The following RPS6KA2 variants were observed in gnomAD, a reference collection of about 807,000 sequenced individuals.
RPS6KA2 encodes ribosomal protein S6 kinase alpha-2.
In RPS6KA2, 42 loss-of-function variants were observed where a neutral mutation model predicts 91.8. The observed-to-expected ratio is 0.46, with a 90% CI of 0.36 to 0.59. The LOEUF is 0.59. Among genes scored for constraint, RPS6KA2 ranks in the 20% least tolerant of loss-of-function variants. The pLI, the probability that RPS6KA2 is intolerant of heterozygous loss-of-function variation, is 0.00. For synonymous variants in RPS6KA2, 414 were observed against 393.6 expected, an observed-to-expected ratio of 1.05 and a Z score of -0.61; for missense variants, 798 against 978.5, an observed-to-expected ratio of 0.82 and a Z score of 2.46.
chr6:166,462,177 G>A (rs533679728), intron 11 of RPS6KA2, among the ~76,000 whole-genome samples: 93 of 152,266 alleles, frequency 6.1e-4, no homozygotes, highest in African/African-American at 2.2e-3. Context: ...AAAGTGCAAC[G>A]TCAACCAGCT....
intron 2 of RPS6KA2, among the ~76,000 whole-genome samples, chr6:166,739,853 C>T (rs903785181): frequency 1.3e-5 from 2 of 152,202 alleles, no homozygotes; most frequent in African/African-American, 4.8e-5. Context: ...GGAGGGCAGT[C>T]GGGACAAGCC....
intron 2 of RPS6KA2, chr6:166,702,489 C>T (rs1789555367): frequency 1.9e-6 from 3 of 1,579,722 alleles, no homozygotes; most frequent in Non-Finnish European, 2.6e-6. Flanking sequence ...CTGCAGTTTC[C>T]GAGTCAGTGT....
At position 166,423,366 on chromosome 6, in the gene RPS6KA2, C is replaced by T; in HGVS notation, c.1633G>A (p.Gly545Arg). The T allele has an allele frequency of 6.2e-7, 1 of 1,614,216 alleles. No individual in the cohort carries two copies. ...CAGACTCGGATGGATTCTGGGCTCC[C>T]CGACTCATCCCTGTACAGGATGTTA... ...PSNILYRDES[G>R]SPESIRVCDF... is the part of the protein sequence containing the mutation. Residue 545 changes from glycine to arginine, a missense_variant, in exon 17 of 21, where the codon GGG (glycine) becomes AGG (arginine). Transcript: ENST00000265678. This position sits in a 1 kb window ranked among gnomAD's most constrained non-coding sequence, Gnocchi z 4.8.
chr6:166,549,371 C>A (rs1398747984), intron 1 of RPS6KA2, among the ~76,000 whole-genome samples: 1 of 152,150 alleles, frequency 6.6e-6, no homozygotes, highest in Non-Finnish European at 1.5e-5. Flanking sequence ...TTCATAGCAG[C>A]TTTATTTGTG....
rs1779279588 is a variant in RPS6KA2, at chr6:166,435,816, C to T, written c.1333-3326G>A. ...GTACTTGAATGTGGGTGTCTGCAGG[C>T]TCAGCTCCCGTGGAGGGCTGGAAAG... On this transcript the variant is annotated intron_variant, in intron 14 of 20. Transcript: ENST00000265678. This position sits in a 1 kb window ranked among gnomAD's most constrained non-coding sequence, Gnocchi z 4.3. Among the ~76,000 whole-genome samples, 1 of 152,250 alleles carries T rather than the reference C, an allele frequency of 6.6e-6. No homozygotes were observed.
intron 1 of RPS6KA2, among the ~76,000 whole-genome samples, chr6:166,568,063 G>A (rs534370594): frequency 2.0e-5 from 3 of 152,246 alleles, no homozygotes; most frequent in South Asian, 2.1e-4. Flanking sequence ...CCCCAGAATC[G>A]GCCCTTGGAC....
chr6:166,483,892 G>C (rs1781321599), intron 10 of RPS6KA2, among the ~76,000 whole-genome samples: 1 of 152,262 alleles, frequency 6.6e-6, no homozygotes, highest in African/African-American at 2.4e-5. Context: ...GAGATGACAG[G>C]TGCGCATGCT....
intron 1 of RPS6KA2, among the ~76,000 whole-genome samples, chr6:166,591,352 G>T (rs559068741): frequency 1.1e-4 from 16 of 152,194 alleles, no homozygotes; most frequent in Non-Finnish European, 2.2e-4. Context: ...AATGGCGCTC[G>T]GCATGGGCAT....
chr6:166,700,540 G>T (rs905596930), intron 2 of RPS6KA2, among the ~76,000 whole-genome samples: 2 of 151,934 alleles, frequency 1.3e-5, no homozygotes, highest in Non-Finnish European at 2.9e-5. Flanking sequence ...GAATACCCGA[G>T]GTAGTTGAGT....
chr6:166,672,636 C>T (rs759406778), intron 2 of RPS6KA2, among the ~76,000 whole-genome samples: 10 of 152,194 alleles, frequency 6.6e-5, no homozygotes, highest in Non-Finnish European at 1.2e-4. Context: ...TCCTCTACTG[C>T]GATACTGTTT....
chr6:166,752,090 CAT>C (rs1427894352), intron 2 of RPS6KA2, among the ~76,000 whole-genome samples: 8 of 152,258 alleles, frequency 5.3e-5, no homozygotes, highest in African/African-American at 1.7e-4. Context: ...TTCAATGTCT[CAT>C]GTGCATTTGT....
chr6:166,538,587 A>G, intron 2 of RPS6KA2, 81 bp downstream of exon 2: 1 of 797,146 alleles, frequency 1.3e-6, no homozygotes, highest in Non-Finnish European at 2.2e-6. Flanking sequence ...GACCGCCTGC[A>G]ATTTTCATCC....
intron 2 of RPS6KA2, among the ~76,000 whole-genome samples, chr6:166,681,789 G>A (rs911505132): frequency 6.7e-6 from 1 of 149,404 alleles, no homozygotes; most frequent in African/African-American, 2.5e-5. Flanking sequence ...TGTGGCCCAG[G>A]GCTGGGGCCT....
chr6:166,754,328 G>C (rs1048953534), intron 2 of RPS6KA2, among the ~76,000 whole-genome samples: 1 of 152,208 alleles, frequency 6.6e-6, no homozygotes, highest in Non-Finnish European at 1.5e-5. Context: ...AAGAGAGGGG[G>C]CCAAGCCCTG....
At chr6:166,611,803 T>C (rs188882866) in intron 1 of RPS6KA2, among the ~76,000 whole-genome samples, 82 of 152,322 alleles carry the variant, frequency 5.4e-4, no homozygotes, top group Non-Finnish European at 9.1e-4. Flanking sequence ...CACGTTTCCA[T>C]GTTTCTCCAC....
At chr6:166,524,911 T>C (rs1186487673) in intron 3 of RPS6KA2, among the ~76,000 whole-genome samples, 2 of 152,182 alleles carry the variant, frequency 1.3e-5, no homozygotes, top group African/African-American at 4.8e-5. Flanking sequence ...GGATTCTCCA[T>C]GTTGGCAGTG....
intron 2 of RPS6KA2, among the ~76,000 whole-genome samples, chr6:166,743,259 A>G (rs1790870311): frequency 6.6e-6 from 1 of 152,222 alleles, no homozygotes. Context: ...TGGGCTATGA[A>G]AACTCACACT....
At chr6:166,837,084 C>T (rs1439289566) in intron 2 of RPS6KA2, among the ~76,000 whole-genome samples, 1 of 152,224 alleles carries the variant, frequency 6.6e-6, no homozygotes, top group Non-Finnish European at 1.5e-5. Context: ...CTCTTCACTG[C>T]GTGCCCCGCC....
intron 1 of RPS6KA2, chr6:166,858,277 T>A (rs1287378827): frequency 6.8e-7 from 1 of 1,462,788 alleles, no homozygotes; most frequent in African/African-American, 1.4e-5. Flanking sequence ...CAAAGATAGA[T>A]GTTAAAGATG....
Sources: allele counts gnomAD v4.1 joint callset (sites outside exome capture counted in the v4.1 genomes callset), GRCh38; gene constraint gnomAD v4.1.1; non-coding constraint Gnocchi (gnomAD v3.1); transcripts MANE v1.5; gene names NCBI Gene and HGNC (gene_info 2026-07-23, HGNC 2026-07-21).